NALF1: variants seen among roughly 807,000 people sequenced by gnomAD.
NALF1 encodes the protein NALCN channel auxiliary factor 1, also known as family with sequence similarity 155 member A.
In NALF1, 3 loss-of-function variants were observed where a neutral mutation model predicts 48.4. The ratio of observed to expected loss-of-function variants is 0.06; its 90% CI spans 0.03 to 0.16. The LOEUF (loss-of-function observed/expected upper bound fraction) is 0.16. NALF1 is among the 10% of genes least tolerant of loss of function. NALF1 has a pLI of 1.00. For synonymous variants in NALF1, 262 were observed against 245.7 expected (o/e 1.07, Z -0.62); for missense variants, 526 against 571.5 (o/e 0.92, Z 0.81).
At chr13:107,606,206 G>C (rs959845148) in intron 1 of NALF1, among the ~76,000 whole-genome samples, 4 of 151,556 alleles carry the variant, frequency 2.6e-5, no homozygotes, top group African/African-American at 9.7e-5. Context: ...TAGTAGAAGT[G>C]GATCTGCTAC....
chr13:107,213,246 A>G lies in NALF1; in HGVS notation c.916-2491T>C, dbSNP rs1364574900. 3.1e-3 allele frequency among the ~76,000 whole-genome samples: 465 copies of G among 148,898 alleles called. 4 individuals are homozygous for G. Among genetic ancestry groups the G allele is most frequent in the African/African-American group, 0.011 (426 of 40,506 alleles). On this transcript the variant is annotated intron_variant, in intron 1 of 2. Coordinates refer to ENST00000375915, the MANE Select transcript of NALF1 (RefSeq NM_001080396.3). ...TTTTTAACTCAAAAAAAAAAAAAAA[A>G]AAAAGAAAAGAAAAAGAAACTAGTA...
chr13:107,256,920 G>T (rs1880828094), intron 1 of NALF1, among the ~76,000 whole-genome samples: 1 of 152,140 alleles, frequency 6.6e-6, no homozygotes. Context: ...GTCTGTTGTT[G>T]TATTAGTCTG....
At chr13:107,860,932 G>A (rs1379724851) in intron 1 of NALF1, among the ~76,000 whole-genome samples, 2 of 152,196 alleles carry the variant, frequency 1.3e-5, no homozygotes. Context: ...TAATAAAAGA[G>A]GTTAAAAGCA....
chr13:107,765,035 G>C (rs1179891219), intron 1 of NALF1, among the ~76,000 whole-genome samples: 1 of 152,042 alleles, frequency 6.6e-6, no homozygotes, highest in African/African-American at 2.4e-5. Context: ...TCTAAAACAA[G>C]AGCTGCTCCT....
Position 107,492,960 on chromosome 13 carries a change from T to C in NALF1, c.916-282205A>G, listed in dbSNP as rs916312921. 3.9e-5 allele frequency among the ~76,000 whole-genome samples: 6 copies of C among 152,224 alleles called. 1 individual carries two copies. Among genetic ancestry groups the C allele is most frequent in the Non-Finnish European group, 8.8e-5 (6 of 68,044 alleles). ...TATGAAAAACAGAGCAATCTGTTAT[T>C]AAGAACAAGTGTGGCTGAATTAGAA... On this transcript the variant is annotated intron_variant, in intron 1 of 2. Coordinates refer to ENST00000375915, the MANE Select transcript of NALF1 (RefSeq NM_001080396.3).
chr13:107,499,224 A>G (rs565895888), intron 1 of NALF1, among the ~76,000 whole-genome samples: 130 of 152,338 alleles, frequency 8.5e-4, no homozygotes, highest in African/African-American at 3.0e-3. Context: ...CTAAAGGACA[A>G]TTCATAAATA....
At chr13:107,268,114 G>T (rs956732689) in intron 1 of NALF1, among the ~76,000 whole-genome samples, 1 of 150,292 alleles carries the variant, frequency 6.7e-6, no homozygotes, top group Non-Finnish European at 1.5e-5. Flanking sequence ...CGCCTCCCAA[G>T]TAACTGGGAA....
At chr13:107,629,643 C>A (rs936299573) in intron 1 of NALF1, among the ~76,000 whole-genome samples, 1 of 85,002 alleles carries the variant, frequency 1.2e-5, no homozygotes, top group Admixed American at 1.5e-4. Context: ...TGTCAGAAAG[C>A]AACAAATTTT....
At chr13:107,268,927 T>C (rs1881098126) in intron 1 of NALF1, among the ~76,000 whole-genome samples, 1 of 152,262 alleles carries the variant, frequency 6.6e-6, no homozygotes, top group South Asian at 2.1e-4. Flanking sequence ...GGGTAGTTTA[T>C]TTTAAGGATG....
chr13:107,790,628 C>T (rs1162315999), intron 1 of NALF1, among the ~76,000 whole-genome samples: 1 of 152,116 alleles, frequency 6.6e-6, no homozygotes, highest in Admixed American at 6.5e-5. Flanking sequence ...GTGTCTATTG[C>T]ATAGTTATTA....
chr13:107,519,525 C>G (rs7993322), intron 1 of NALF1, among the ~76,000 whole-genome samples: 97,848 of 151,960 alleles, frequency 0.64, 33,832 homozygotes, highest in Middle Eastern at 0.81. Flanking sequence ...AGCACTCAGT[C>G]CATGGTTTAT....
chr13:107,342,079 T>C (rs1346687174), intron 1 of NALF1, among the ~76,000 whole-genome samples: 1 of 152,146 alleles, frequency 6.6e-6, no homozygotes, highest in Non-Finnish European at 1.5e-5. Flanking sequence ...GCTTATCAAA[T>C]ACTATAGATT....
At chr13:107,367,171 A>C (rs1013861707) in intron 1 of NALF1, among the ~76,000 whole-genome samples, 9 of 152,244 alleles carry the variant, frequency 5.9e-5, no homozygotes, top group African/African-American at 2.2e-4. Flanking sequence ...TAATTTAAAA[A>C]AATAAAAACT....
At chr13:107,673,710 G>A (rs1881043443) in intron 1 of NALF1, among the ~76,000 whole-genome samples, 1 of 152,166 alleles carries the variant, frequency 6.6e-6, no homozygotes, top group Non-Finnish European at 1.5e-5. Context: ...AATGATACAT[G>A]TGAGATGATG....
intron 1 of NALF1, among the ~76,000 whole-genome samples, chr13:107,569,983 ATC>A (rs1027722347): frequency 2.6e-5 from 4 of 152,066 alleles, no homozygotes; most frequent in East Asian, 3.9e-4. Flanking sequence ...TTTAAAAAAA[ATC>A]TCTGTTTCAA....
intron 1 of NALF1, among the ~76,000 whole-genome samples, chr13:107,707,428 G>T (rs913794809): frequency 2.6e-5 from 4 of 152,118 alleles, no homozygotes; most frequent in Admixed American, 6.5e-5. Flanking sequence ...TCATGTTGAT[G>T]ATGTCTCTCC....
At chr13:107,762,499 G>C (rs897655968) in intron 1 of NALF1, among the ~76,000 whole-genome samples, 1 of 152,158 alleles carries the variant, frequency 6.6e-6, no homozygotes, top group Non-Finnish European at 1.5e-5. Context: ...CCCAGGCAAT[G>C]AGAAGGATGT....
intron 2 of NALF1, among the ~76,000 whole-genome samples, chr13:107,192,285 G>A (rs1879299609): frequency 6.6e-6 from 1 of 152,160 alleles, no homozygotes; most frequent in African/African-American, 2.4e-5. Flanking sequence ...TGACCCAAAC[G>A]ACGGATGAAT....
intron 1 of NALF1, among the ~76,000 whole-genome samples, chr13:107,689,967 TTAAG>T (rs1201068899): frequency 2.6e-5 from 4 of 152,210 alleles, no homozygotes; most frequent in South Asian, 2.1e-4. Context: ...ACTTTAGCAT[TTAAG>T]TAAGTGACAG....
Sources: allele counts gnomAD v4.1 joint callset (sites outside exome capture counted in the v4.1 genomes callset), GRCh38; gene constraint gnomAD v4.1.1; transcripts MANE v1.5; gene names NCBI Gene and HGNC (gene_info 2026-07-23, HGNC 2026-07-21).